ACOXL: variants seen among roughly 807,000 people sequenced by gnomAD.
The protein encoded by ACOXL is acyl-coenzyme A oxidase-like protein.
A neutral mutation model predicts 71.9 loss-of-function variants in ACOXL; 70 were observed. That is an observed-to-expected ratio of 0.97 (90% CI 0.80 to 1.19). The LOEUF is 1.19. Ranked by LOEUF, ACOXL falls within the 50% of genes most tolerant of loss-of-function variation. The pLI is 0.00. For synonymous variants in ACOXL, 253 were observed against 281.6 expected (o/e 0.90, Z 1.02); for missense variants, 703 against 736.3 (o/e 0.95, Z 0.52).
intron 9 of ACOXL, among the ~76,000 whole-genome samples, chr2:110,816,266 G>T (rs1431790347): frequency 1.3e-5 from 2 of 152,114 alleles, no homozygotes; most frequent in Admixed American, 6.5e-5. Context: ...ATGGATGTGT[G>T]GGTGGATGGA....
Position 110,816,808 on chromosome 2 carries a change from T to C in ACOXL, c.753+11413T>C, listed in dbSNP as rs114816322. On this transcript the variant is annotated intron_variant, in intron 9 of 17. Coordinates refer to ENST00000439055, the MANE Select transcript of ACOXL (RefSeq NM_001142807.4). Reference sequence around the variant, plus strand: ...CGGGTGAGAGAAATGAATCTTTTACTCCAGCAATACAGACCTGGTTGCAGC... The same window carrying C: ...CGGGTGAGAGAAATGAATCTTTTACCCCAGCAATACAGACCTGGTTGCAGC... Among the ~76,000 whole-genome samples, 1,286 of 152,344 alleles carry C rather than the reference T, an allele frequency of 8.4e-3. 28 individuals are homozygous for C. Among genetic ancestry groups the C allele is most frequent in the African/African-American group, 0.029 (1,194 of 41,560 alleles).
intron 12 of ACOXL, among the ~76,000 whole-genome samples, chr2:110,982,039 C>T (rs560514986): frequency 3.3e-5 from 5 of 152,302 alleles, no homozygotes; most frequent in African/African-American, 7.2e-5. Context: ...CTCTTAAGTT[C>T]GATTGAATTG....
chr2:111,094,504 G>T (rs537734455), intron 17 of ACOXL, among the ~76,000 whole-genome samples: 2 of 152,334 alleles, frequency 1.3e-5, no homozygotes, highest in East Asian at 3.9e-4. Flanking sequence ...CCATCCCATG[G>T]AAGGGAAGAG....
intron 12 of ACOXL, among the ~76,000 whole-genome samples, chr2:110,938,105 C>T (rs1218971592): frequency 5.9e-5 from 9 of 152,176 alleles, no homozygotes; most frequent in African/African-American, 1.2e-4. Flanking sequence ...GTACTCAGTG[C>T]GAACTGTGGA....
At position 110,768,417 on chromosome 2, in the gene ACOXL, A is replaced by T; in HGVS notation, c.28A>T (p.Lys10Ter). MRALTVQRV[K>*]FAMDLPLLKR... ...GAGAGCTTTGACAGTTCAGAGAGTGAAGTTTGCCATGGACCTGCCTCTGTT... is the reference window on the plus strand; with the variant it reads ...GAGAGCTTTGACAGTTCAGAGAGTGTAGTTTGCCATGGACCTGCCTCTGTT... The change falls in exon 2 of 18, where the codon AAG (lysine) becomes TAG (stop). Residue 10 changes from lysine to a stop codon, truncating the protein, a stop_gained. Coordinates refer to ENST00000439055, the MANE Select transcript of ACOXL (RefSeq NM_001142807.4). LOFTEE classifies it high-confidence loss of function. 2 of 1,613,764 alleles carry T rather than the reference A, an allele frequency of 1.2e-6. No homozygotes were observed. Among genetic ancestry groups the T allele is most frequent in the Non-Finnish European group, 1.7e-6 (2 of 1,179,942 alleles).
At chr2:111,117,238 A>AG (rs760193375) in intron 17 of ACOXL, among the ~76,000 whole-genome samples, 33 of 152,322 alleles carry the variant, frequency 2.2e-4, no homozygotes, top group Admixed American at 3.3e-4. Flanking sequence ...AGGGGACGAC[A>AG]GGGGAGGCAA....
At chr2:110,946,416 T>C (rs2149390149) in intron 12 of ACOXL, among the ~76,000 whole-genome samples, 1 of 152,320 alleles carries the variant, frequency 6.6e-6, no homozygotes, top group South Asian at 2.1e-4. Flanking sequence ...TTTCCAGTAC[T>C]ATGCTGAATA....
At chr2:110,733,122 G>A (rs1676387709) in intron 1 of ACOXL, 1 of 152,512 alleles carries the variant, frequency 6.6e-6, no homozygotes, top group African/African-American at 2.4e-5. Context: ...TGTTGAACCT[G>A]TTTCTTGAGT....
chr2:110,861,641 G>A (rs541751245), intron 10 of ACOXL, among the ~76,000 whole-genome samples: 23 of 152,230 alleles, frequency 1.5e-4, no homozygotes, highest in African/African-American at 5.5e-4. Context: ...AAAACACGGG[G>A]TTAAATTCTG....
intron 11 of ACOXL, among the ~76,000 whole-genome samples, chr2:110,914,503 A>T (rs976805612): frequency 1.3e-5 from 2 of 152,248 alleles, no homozygotes; most frequent in African/African-American, 4.8e-5. Context: ...TTTTATAGAA[A>T]TATAACTCAT....
intron 2 of ACOXL, among the ~76,000 whole-genome samples, chr2:110,782,766 T>C (rs1683497075): frequency 6.6e-6 from 1 of 152,192 alleles, no homozygotes; most frequent in South Asian, 2.1e-4. Context: ...GAATGAAATA[T>C]GAAGAAAGCT....
At chr2:111,112,676 T>C (rs1172057977) in intron 17 of ACOXL, among the ~76,000 whole-genome samples, 1 of 152,214 alleles carries the variant, frequency 6.6e-6, no homozygotes, top group Admixed American at 6.5e-5. Context: ...TGTGCCCATT[T>C]TCACCAGTCA....
intron 12 of ACOXL, among the ~76,000 whole-genome samples, chr2:110,973,623 G>T (rs2062313255): frequency 6.6e-6 from 1 of 152,168 alleles, no homozygotes; most frequent in Non-Finnish European, 1.5e-5. Flanking sequence ...ATGGTATTTT[G>T]TTATAGCAGC....
intron 13 of ACOXL, among the ~76,000 whole-genome samples, chr2:110,994,414 G>T (rs115145574): frequency 6.7e-6 from 1 of 150,196 alleles, no homozygotes; most frequent in Admixed American, 6.6e-5. Flanking sequence ...CGTTTCTCTC[G>T]TGCCTTCTGA....
At chr2:111,033,803 G>A (rs1202310306) in intron 15 of ACOXL, among the ~76,000 whole-genome samples, 1 of 152,150 alleles carries the variant, frequency 6.6e-6, no homozygotes, top group Admixed American at 6.5e-5. Context: ...CAGGGGTGGT[G>A]TGGCCCTGGC....
intron 14 of ACOXL, among the ~76,000 whole-genome samples, chr2:111,029,289 T>C (rs765244200): frequency 6.6e-5 from 10 of 152,146 alleles, no homozygotes; most frequent in African/African-American, 9.7e-5. Context: ...GATGAGAGAG[T>C]TGATTTCTGT....
At chr2:111,031,417 G>A (rs571703194) in intron 14 of ACOXL, among the ~76,000 whole-genome samples, 20 of 152,278 alleles carry the variant, frequency 1.3e-4, no homozygotes, top group African/African-American at 4.8e-4. Flanking sequence ...ATTAATATAA[G>A]CATGGAAACA....
intron 14 of ACOXL, among the ~76,000 whole-genome samples, chr2:111,015,172 T>C (rs1302221555): frequency 6.6e-6 from 1 of 152,154 alleles, no homozygotes; most frequent in Non-Finnish European, 1.5e-5. Context: ...ATTAAGAACA[T>C]ACAAAGACAA....
intron 17 of ACOXL, among the ~76,000 whole-genome samples, chr2:111,115,875 T>C (rs546337839): frequency 9.8e-5 from 15 of 152,346 alleles, no homozygotes; most frequent in African/African-American, 3.4e-4. Flanking sequence ...CACCAGCCAT[T>C]GGGTTCCTTT....
Sources: gnomAD v4.1 joint callset for allele counts (sites outside exome capture counted in the v4.1 genomes callset) on GRCh38, gnomAD v4.1.1 for gene constraint, MANE v1.5 for transcripts, NCBI Gene and HGNC (gene_info 2026-07-23, HGNC 2026-07-21) for gene names.